The following EPHB1 variants were observed in gnomAD, a reference collection of about 807,000 sequenced individuals.
EPHB1 encodes the protein EPH receptor B1, also known as ephrin type-B receptor 1.
A neutral mutation model predicts 94.4 loss-of-function variants in EPHB1; 30 were observed. The ratio of observed to expected loss-of-function variants is 0.32; its 90% CI spans 0.24 to 0.43. The LOEUF (loss-of-function observed/expected upper bound fraction) is 0.43, where lower values mean the gene tolerates loss of function less well. Among genes scored for constraint, EPHB1 ranks in the 20% least tolerant of loss-of-function variants. The pLI is 1.00. For missense variants in EPHB1, 1,055 were observed against 1,308.3 expected (o/e 0.81, Z 2.99); for synonymous variants, 522 against 489.1 (o/e 1.07, Z -0.89).
intron 1 of EPHB1, among the ~76,000 whole-genome samples, chr3:134,851,074 AG>A (rs1215446618): frequency 6.6e-6 from 1 of 152,210 alleles, no homozygotes; most frequent in Admixed American, 6.5e-5. Context: ...GTGTGTTTGA[AG>A]GGAAAGGTGC....
At chr3:135,091,997 G>A (rs576993056) in intron 3 of EPHB1, among the ~76,000 whole-genome samples, 84 of 152,218 alleles carry the variant, frequency 5.5e-4, no homozygotes, top group African/African-American at 2.0e-3. Flanking sequence ...TTTTTAAACG[G>A]AATCCATTAA....
chr3:134,825,497 A>G (rs1185948216), intron 1 of EPHB1, among the ~76,000 whole-genome samples: 1 of 152,192 alleles, frequency 6.6e-6, no homozygotes, highest in Non-Finnish European at 1.5e-5. Context: ...CCCACAGGGG[A>G]TGCTGCTTCT....
At chr3:134,816,259 TTTTTTTGTA>T (rs374272633) in intron 1 of EPHB1, among the ~76,000 whole-genome samples, 75 of 151,910 alleles carry the variant, frequency 4.9e-4, no homozygotes, top group African/African-American at 1.8e-3. Flanking sequence ...ATTTTTTTGT[TTTTTTTGTA>T]TTTTTAGTAG....
At chr3:135,060,203 T>A (rs1333047552) in intron 3 of EPHB1, among the ~76,000 whole-genome samples, 1 of 152,214 alleles carries the variant, frequency 6.6e-6, no homozygotes, top group Non-Finnish European at 1.5e-5. Flanking sequence ...CCCTCAGCCC[T>A]GGTGACCATT....
rs537281811 is a variant in EPHB1, at chr3:134,936,431, A to G, written c.123+10551A>G. Among the ~76,000 whole-genome samples the G allele has an allele frequency of 1.3e-3, 191 of 152,232 alleles. 1 individual carries two copies. Among genetic ancestry groups the G allele is most frequent in the African/African-American group, 4.3e-3 (178 of 41,548 alleles). ...CTCCGGGCAGTGATGGAGGAGCCCAAGAGGATTCCTTCCCACCCCCTAGGT... is the reference window on the plus strand; with the variant it reads ...CTCCGGGCAGTGATGGAGGAGCCCAGGAGGATTCCTTCCCACCCCCTAGGT... On this transcript the variant is annotated intron_variant, in intron 2 of 15. Coordinates refer to ENST00000398015, the MANE Select transcript of EPHB1 (RefSeq NM_004441.5).
intron 3 of EPHB1, among the ~76,000 whole-genome samples, chr3:135,023,283 A>G (rs981082051): frequency 1.3e-5 from 2 of 152,230 alleles, no homozygotes; most frequent in Non-Finnish European, 2.9e-5. Flanking sequence ...TTACTGCCTT[A>G]AAATACATCT....
intron 3 of EPHB1, among the ~76,000 whole-genome samples, chr3:135,004,785 C>G (rs6777310): frequency 0.031 from 4,744 of 151,772 alleles, 233 homozygotes; most frequent in African/African-American, 0.11. Context: ...TCACGTAGTT[C>G]TCGAGCCTTG....
At chr3:135,156,288 C>T (rs746969828) in intron 6 of EPHB1, among the ~76,000 whole-genome samples, 69 of 152,100 alleles carry the variant, frequency 4.5e-4, no homozygotes, top group Non-Finnish European at 7.1e-4. Flanking sequence ...TGGGAGTTGT[C>T]AGTATGTAGA....
At chr3:135,052,744 C>T (rs1399640476) in intron 3 of EPHB1, among the ~76,000 whole-genome samples, 3 of 148,160 alleles carry the variant, frequency 2.0e-5, no homozygotes, top group Non-Finnish European at 4.5e-5. Flanking sequence ...ACCTGTAGTC[C>T]CAGCTACTCG....
intron 15 of EPHB1, among the ~76,000 whole-genome samples, chr3:135,252,655 GAAT>G (rs1270510793): frequency 6.9e-6 from 1 of 145,740 alleles, no homozygotes; most frequent in African/African-American, 2.5e-5. Flanking sequence ...TTGCTATTGT[GAAT>G]AATGCCACAA....
chr3:135,092,801 A>G (rs1416292410), intron 3 of EPHB1, among the ~76,000 whole-genome samples: 3 of 152,084 alleles, frequency 2.0e-5, no homozygotes, highest in Admixed American at 2.0e-4. Context: ...AATTTTTTGT[A>G]TTTTTAGTAG....
chr3:135,139,556 A>G (rs1940745490), intron 5 of EPHB1, among the ~76,000 whole-genome samples: 1 of 152,178 alleles, frequency 6.6e-6, no homozygotes, highest in Non-Finnish European at 1.5e-5. Context: ...AGCAGCAAAC[A>G]TAACAGACAA....
intron 12 of EPHB1, among the ~76,000 whole-genome samples, chr3:135,238,746 T>A (rs1213758911): frequency 5.3e-5 from 8 of 152,160 alleles, no homozygotes; most frequent in South Asian, 2.1e-4. Context: ...TCTCTCTCTC[T>A]CTCACACACA....
chr3:134,935,675 C>T (rs933146447), intron 2 of EPHB1, among the ~76,000 whole-genome samples: 5 of 152,138 alleles, frequency 3.3e-5, no homozygotes, highest in Admixed American at 6.5e-5. Flanking sequence ...GTGGTAACAA[C>T]GACTCTTGTT....
intron 3 of EPHB1, among the ~76,000 whole-genome samples, chr3:135,032,079 T>C (rs1376839310): frequency 6.6e-6 from 1 of 152,130 alleles, no homozygotes; most frequent in Non-Finnish European, 1.5e-5. Flanking sequence ...CTTTTTCTAA[T>C]ACTCATTGCC....
intron 3 of EPHB1, among the ~76,000 whole-genome samples, chr3:135,039,609 C>T (rs1015409491): frequency 3.6e-4 from 55 of 152,368 alleles, no homozygotes; most frequent in African/African-American, 1.3e-3. Context: ...AGAAATCGAG[C>T]ACAGCGCCAG....
intron 3 of EPHB1, among the ~76,000 whole-genome samples, chr3:134,996,889 TTGTTTTAGGCC>T (rs1935013765): frequency 6.6e-6 from 1 of 152,142 alleles, no homozygotes; most frequent in South Asian, 2.1e-4. Context: ...GTGTCATAAT[TTGTTTTAGGCC>T]TGTAGTTTTT....
At chr3:134,984,575 C>A (rs986991338) in intron 3 of EPHB1, among the ~76,000 whole-genome samples, 1 of 147,950 alleles carries the variant, frequency 6.8e-6, no homozygotes, top group Non-Finnish European at 1.5e-5. Flanking sequence ...GGGAAGGGCC[C>A]TCACCTGGGC....
intron 2 of EPHB1, among the ~76,000 whole-genome samples, chr3:134,947,717 CCAAT>C (rs1266080965): frequency 1.3e-5 from 2 of 152,304 alleles, no homozygotes; most frequent in Non-Finnish European, 2.9e-5. Flanking sequence ...TCTTATAATA[CCAAT>C]CAGTGTCATT....
Sources: gnomAD v4.1 joint callset for allele counts (sites outside exome capture counted in the v4.1 genomes callset) on GRCh38, gnomAD v4.1.1 for gene constraint, MANE v1.5 for transcripts, NCBI Gene and HGNC (gene_info 2026-07-23, HGNC 2026-07-21) for gene names.